The following ASB3 variants were observed in gnomAD, a reference collection of about 807,000 sequenced individuals.
The protein encoded by ASB3 is ankyrin repeat and SOCS box containing 3, also known as ankyrin repeat and SOCS box protein 3.
In ASB3, 41 loss-of-function variants were observed where a neutral mutation model predicts 54.5. That is an observed-to-expected ratio of 0.75 (90% confidence interval 0.59 to 0.98). ASB3 has a LOEUF of 0.98. Among genes scored for constraint, ASB3 ranks in the 50% least tolerant of loss-of-function variants. The pLI, the probability that ASB3 is intolerant of heterozygous loss-of-function variation, is 0.00. For synonymous variants in ASB3, 266 were observed against 221.2 expected, an observed-to-expected ratio of 1.20 and a Z score of -1.80; for missense variants, 733 against 620.0, an observed-to-expected ratio of 1.18 and a Z score of -1.94.
intron 8 of ASB3, among the ~76,000 whole-genome samples, chr2:53,697,052 T>C (rs1572860551): frequency 6.6e-6 from 1 of 152,174 alleles, no homozygotes; most frequent in African/African-American, 2.4e-5. Context: ...AAGAACTTGC[T>C]GATGAAACAG....
Position 53,700,439 on chromosome 2 carries a change from T to C in ASB3, c.1070A>G (p.Lys357Arg). 1 of 1,614,110 alleles carries C rather than the reference T, an allele frequency of 6.2e-7. No homozygotes were observed. Residue 357 changes from lysine to arginine, a missense_variant, in exon 8 of 10, where the codon AAG becomes AGG. By Grantham distance (26) the Lys-to-Arg change is conservative. Coordinates refer to ENST00000263634, the MANE Select transcript of ASB3 (RefSeq NM_016115.5). ...LHLAYCLKYE[K>R]FSIFRYFLRK... Reference sequence around the variant, plus strand: ...CAAAAAGTAGCGAAATATCGAAAACTTCTCGTACTTCAGGCAGTATGCCAA... The same window carrying C: ...CAAAAAGTAGCGAAATATCGAAAACCTCTCGTACTTCAGGCAGTATGCCAA...
At chr2:53,726,920 C>T (rs1470437824) in intron 5 of ASB3, among the ~76,000 whole-genome samples, 1 of 152,038 alleles carries the variant, frequency 6.6e-6, no homozygotes, top group Non-Finnish European at 1.5e-5. Context: ...TCTCAAGCTC[C>T]TGACCTCAGG....
In ASB3 at chr2:53,700,490, T is replaced by C. The variant is rs1424355223; in HGVS notation, c.1019A>G (p.Tyr340Cys). The C allele has an allele frequency of 1.2e-6, 2 of 1,613,242 alleles. No individual in the cohort carries two copies. Among genetic ancestry groups the C allele is most frequent in the Non-Finnish European group, 1.7e-6 (2 of 1,179,802 alleles). ...FFGIVNILLK[Y>C]GAQINELHLA... ...ATGAAGTTCATTTATCTGGGCTCCA[T>C]ATTTCAAAAGAATGTTCACAATTCC... Residue 340 changes from tyrosine to cysteine, a missense_variant, in exon 8 of 10, where the codon TAT (tyrosine) becomes TGT (cysteine). Tyr to Cys is a radical substitution (Grantham distance 194). Transcript: ENST00000263634.
intron 3 of ASB3, among the ~76,000 whole-genome samples, chr2:53,743,552 A>C (rs1309406007): frequency 6.6e-6 from 1 of 152,212 alleles, no homozygotes; most frequent in Non-Finnish European, 1.5e-5. Context: ...AACTGACAAA[A>C]GTTGGAAAAG....
chr2:53,750,865 A>G lies in ASB3; in HGVS notation c.273T>C (p.His91=), dbSNP rs1235113358. The change falls in exon 3 of 10, where the codon CAT becomes CAC. Residue 91 remains histidine (H), a synonymous_variant. Transcript: ENST00000263634. ...CALHLAASQG[H]WKIVQILLEA... is the part of the protein sequence containing the mutation. ...CTAAAAGAATCTGTACGATTTTCCA[A>G]TGTCCTTGACTTGCAGCGAGATGCA... 4 of 1,603,286 alleles carry G rather than the reference A, an allele frequency of 2.5e-6. No individual in the cohort carries two copies. The highest frequency in any genetic ancestry group is 2.3e-5 in the South Asian group (2 of 88,204).
intron 2 of ASB3, chr2:53,763,550 G>A (rs1354340754): frequency 5.9e-6 from 1 of 169,344 alleles, no homozygotes; most frequent in Non-Finnish European, 1.5e-5. Context: ...GAGCATCCAT[G>A]AATTTTGGTG....
rs915227608 is a variant in ASB3 at position 53,700,489 on chromosome 2, A to G, written c.1020T>C (p.Tyr340=). The G allele has an allele frequency of 2.4e-5, 39 of 1,613,240 alleles. No homozygotes were observed. The highest frequency in any genetic ancestry group is 3.2e-5 in the Non-Finnish European group (38 of 1,179,788). ...FFGIVNILLK[Y]GAQINELHLA... is the part of the protein sequence containing the mutation. ...AATGAAGTTCATTTATCTGGGCTCC[A>G]TATTTCAAAAGAATGTTCACAATTC... Residue 340 remains tyrosine (Y), a synonymous_variant, in exon 8 of 10, where the codon TAT becomes TAC. Transcript: ENST00000263634.
chr2:53,740,958 C>T (rs573332604), intron 3 of ASB3, among the ~76,000 whole-genome samples: 1 of 152,346 alleles, frequency 6.6e-6, no homozygotes, highest in East Asian at 1.9e-4. Flanking sequence ...CATCCCTAAA[C>T]TTACACCTTC....
chr2:53,726,607 CAT>C (rs1284222397), intron 5 of ASB3, among the ~76,000 whole-genome samples: 1 of 150,822 alleles, frequency 6.6e-6, no homozygotes, highest in African/African-American at 2.4e-5. Flanking sequence ...TACACACACA[CAT>C]ATATATACAC....
intron 7 of ASB3, among the ~76,000 whole-genome samples, chr2:53,707,544 AG>A (rs1669848932): frequency 1.3e-5 from 2 of 151,598 alleles, no homozygotes; most frequent in South Asian, 4.2e-4. Context: ...GCTACTCGGG[AG>A]GCTGAGGTGG....
chr2:53,697,913 A>G (rs1440058882), intron 8 of ASB3, among the ~76,000 whole-genome samples: 1 of 152,172 alleles, frequency 6.6e-6, no homozygotes, highest in Non-Finnish European at 1.5e-5. Context: ...AGCTCTCCCA[A>G]GATGGCACTT....
At chr2:53,762,884 G>C (rs1023651292) in intron 2 of ASB3, among the ~76,000 whole-genome samples, 1 of 152,192 alleles carries the variant, frequency 6.6e-6, no homozygotes, top group Non-Finnish European at 1.5e-5. Flanking sequence ...TCCAACTTGA[G>C]TCAGAAGACC....
At chr2:53,673,789 T>C (rs1030052178) in intron 9 of ASB3, among the ~76,000 whole-genome samples, 7 of 152,358 alleles carry the variant, frequency 4.6e-5, no homozygotes, top group Non-Finnish European at 7.3e-5. Context: ...AGGAAAAGTA[T>C]AGCTACTTCA....
chr2:53,695,768 G>C (rs1431649430), intron 8 of ASB3, among the ~76,000 whole-genome samples: 1 of 152,092 alleles, frequency 6.6e-6, no homozygotes, highest in Non-Finnish European at 1.5e-5. Context: ...TGACATTTAT[G>C]TTCTATTATC....
intron 1 of ASB3, among the ~76,000 whole-genome samples, chr2:53,781,706 G>A (rs1416289532): frequency 1.3e-5 from 2 of 152,000 alleles, no homozygotes; most frequent in Admixed American, 1.3e-4. Context: ...GGTTGGTCAG[G>A]CTGGTCTTGA....
chr2:53,693,574 AT>A (rs779996969), intron 9 of ASB3, among the ~76,000 whole-genome samples: 11 of 152,184 alleles, frequency 7.2e-5, no homozygotes, highest in Non-Finnish European at 1.6e-4. Flanking sequence ...GAATAAGCAG[AT>A]TTTTAGGACC....
Position 53,714,569 on chromosome 2 carries a change from C to T in ASB3, c.795G>A (p.Leu265=). ...AQMGHTKILD[L]LIPLTNRACD... ...AGGCCCGGTTAGTAAGTGGTATTAA[C>T]AAGTCCAAGATTCTATAAATACACA... The change falls in exon 7 of 10, where the codon TTG becomes TTA. Residue 265 remains leucine, a synonymous_variant. Transcript: ENST00000263634. The T allele has an allele frequency of 6.2e-7, 1 of 1,614,116 alleles. No individual in the cohort carries two copies. The highest frequency in any genetic ancestry group is 8.5e-7 in the Non-Finnish European group (1 of 1,179,998).
At chr2:53,724,332 G>C (rs944039311) in intron 5 of ASB3, among the ~76,000 whole-genome samples, 2 of 152,166 alleles carry the variant, frequency 1.3e-5, no homozygotes, top group Non-Finnish European at 2.9e-5. Context: ...GGGCACATTG[G>C]CTCACGCCTG....
chr2:53,719,835 G>C (rs1346164740), intron 5 of ASB3, among the ~76,000 whole-genome samples: 1 of 152,118 alleles, frequency 6.6e-6, no homozygotes, highest in African/African-American at 2.4e-5. Context: ...TACAAGGGGG[G>C]AGGATCGCTT....
Sources: allele counts gnomAD v4.1 joint callset (sites outside exome capture counted in the v4.1 genomes callset), GRCh38; gene constraint gnomAD v4.1.1; transcripts MANE v1.5; gene names NCBI Gene and HGNC (gene_info 2026-07-23, HGNC 2026-07-21).